Variants in RNF180 observed in about 807,000 individuals in gnomAD.
RNF180 encodes the protein ring finger protein 180.
In RNF180, 38 loss-of-function variants were observed where a neutral mutation model predicts 59.2. That is an observed-to-expected ratio of 0.64 (90% CI 0.50 to 0.84). The LOEUF (loss-of-function observed/expected upper bound fraction) is 0.84. Ranked by LOEUF, RNF180 falls within the 40% of genes least tolerant of loss-of-function variation. The probability of loss-of-function intolerance (pLI) is 0.00; values close to 1 mark genes in which losing one functional copy is unlikely to be tolerated. For missense variants in RNF180, 705 were observed against 700.9 expected (o/e 1.01, Z -0.07); for synonymous variants, 262 against 240.3 (o/e 1.09, Z -0.84).
At chr5:64,209,543 A>C (rs990803771) in intron 2 of RNF180, among the ~76,000 whole-genome samples, 1 of 152,046 alleles carries the variant, frequency 6.6e-6, no homozygotes, top group African/African-American at 2.4e-5. Flanking sequence ...TGTGTTTAGT[A>C]ATCACTAAAT....
intron 6 of RNF180, among the ~76,000 whole-genome samples, chr5:64,325,948 A>G (rs1023326795): frequency 6.6e-6 from 1 of 152,228 alleles, no homozygotes; most frequent in Admixed American, 6.5e-5. Flanking sequence ...AAGATGTAAT[A>G]TAACACAATA....
chr5:64,199,091 T>A (rs1738785902), intron 1 of RNF180, among the ~76,000 whole-genome samples: 1 of 152,052 alleles, frequency 6.6e-6, no homozygotes, highest in Admixed American at 6.5e-5. Flanking sequence ...GTGCTGGGAT[T>A]ACGGGCGTGA....
At chr5:64,343,184 G>C (rs1745425969) in intron 7 of RNF180, among the ~76,000 whole-genome samples, 1 of 151,958 alleles carries the variant, frequency 6.6e-6, no homozygotes, top group Non-Finnish European at 1.5e-5. Context: ...CTAGATGTTG[G>C]GGTTAGCAGA....
chr5:64,295,275 C>A (rs1742823098), intron 5 of RNF180, among the ~76,000 whole-genome samples: 1 of 152,186 alleles, frequency 6.6e-6, no homozygotes, highest in African/African-American at 2.4e-5. Context: ...CCATCTGCTA[C>A]TCCAGCAAGC....
chr5:64,295,916 T>C (rs966256771), intron 5 of RNF180, among the ~76,000 whole-genome samples: 1 of 152,196 alleles, frequency 6.6e-6, no homozygotes, highest in African/African-American at 2.4e-5. Flanking sequence ...TCCTGCTTGA[T>C]GGGCAGAAGT....
intron 5 of RNF180, among the ~76,000 whole-genome samples, chr5:64,276,319 GGTGTGTGTGTGTGTGTGT>G (rs375203511): frequency 2.9e-5 from 4 of 138,086 alleles, no homozygotes; most frequent in East Asian, 2.1e-4. Flanking sequence ...AAAATACATT[GGTGTGTGTGTGTGTGTGT>G]GTGTGTGTGT....
chr5:64,370,136 C>T lies in RNF180; in HGVS notation c.*322C>T, dbSNP rs535987617. 5.5e-4 allele frequency: 92 copies of T among 165,976 alleles called. 1 individual carries two copies. Among genetic ancestry groups the T allele is most frequent in the African/African-American group, 2.1e-3 (89 of 42,114 alleles). 10.3% of individuals were successfully genotyped at this position (165,976 alleles called of 1,614,324 possible). On this transcript the variant is annotated 3_prime_UTR_variant, in exon 8 of 8. Transcript: ENST00000389100. ...TTGTAAAAAACTGAAGTTTTCTCTC[C>T]ACTTAAAAATAGTAAAAATACAAAA...
At position 64,197,721 on chromosome 5, in the gene RNF180, C is replaced by G. The variant is rs558926477; in HGVS notation, c.1-3087C>G. On this transcript the variant is annotated intron_variant, in intron 1 of 7. Transcript: ENST00000389100. ...ATGATCTTGAGGAAAAACCCATGTT[C>G]AGTTGTTTTAGTTGAGAGTTGAAGT... Among the ~76,000 whole-genome samples, 7 of 152,242 alleles carry G rather than the reference C, an allele frequency of 4.6e-5. No individual in the cohort carries two copies. In the East Asian group the frequency reaches 1.3e-3, roughly 29 times the overall value.
At chr5:64,282,091 C>T (rs990440017) in intron 5 of RNF180, among the ~76,000 whole-genome samples, 1 of 151,364 alleles carries the variant, frequency 6.6e-6, no homozygotes, top group African/African-American at 2.4e-5. Context: ...GTATCTCCTC[C>T]TCAATTTTTT....
chr5:64,205,358 G>A (rs190367946), intron 2 of RNF180, among the ~76,000 whole-genome samples: 101 of 152,264 alleles, frequency 6.6e-4, no homozygotes, highest in African/African-American at 2.2e-3. Flanking sequence ...CGTCCACAAG[G>A]AGAAAGGGGG....
chr5:64,272,085 T>C (rs1303692325), intron 5 of RNF180, among the ~76,000 whole-genome samples: 1 of 152,066 alleles, frequency 6.6e-6, no homozygotes, highest in Non-Finnish European at 1.5e-5. Context: ...TACTACATAA[T>C]AGATAATGTA....
chr5:64,256,897 C>G (rs1412643358), intron 5 of RNF180, among the ~76,000 whole-genome samples: 2 of 152,116 alleles, frequency 1.3e-5, no homozygotes, highest in African/African-American at 4.8e-5. Context: ...GTTTGTAGTT[C>G]TTCTTGAAGA....
intron 5 of RNF180, among the ~76,000 whole-genome samples, chr5:64,232,696 G>T (rs1021581022): frequency 6.6e-6 from 1 of 152,166 alleles, no homozygotes; most frequent in Non-Finnish European, 1.5e-5. Flanking sequence ...TTACGTGGGA[G>T]TCAAAAGAAT....
At chr5:64,190,772 C>G (rs1751106706) in intron 1 of RNF180, among the ~76,000 whole-genome samples, 1 of 152,184 alleles carries the variant, frequency 6.6e-6, no homozygotes, top group Non-Finnish European at 1.5e-5. Context: ...CATGTGAGGA[C>G]ACAGTAAGAA....
At chr5:64,181,986 C>CTTTTT (rs1190089130) in intron 1 of RNF180, among the ~76,000 whole-genome samples, 41 of 94,624 alleles carry the variant, frequency 4.3e-4, no homozygotes, top group Non-Finnish European at 5.6e-4. Flanking sequence ...CTGCTACTGT[C>CTTTTT]TTTTTTTTTT....
At chr5:64,206,261 T>C (rs1051858171) in intron 2 of RNF180, among the ~76,000 whole-genome samples, 4 of 152,190 alleles carry the variant, frequency 2.6e-5, no homozygotes, top group African/African-American at 9.6e-5. Flanking sequence ...GTTCAGATAA[T>C]TGGGAGCTGA....
At position 64,358,431 on chromosome 5, in the gene RNF180, G is replaced by C. The variant is rs147773543; in HGVS notation, c.1580-11184G>C. Reference sequence around the variant, plus strand: ...TGAAGAGCTTTAAGGGAACAGTTATGAAAGTTTTACTCCAATTTATTTGAA... The same window carrying C: ...TGAAGAGCTTTAAGGGAACAGTTATCAAAGTTTTACTCCAATTTATTTGAA... On this transcript the variant is annotated intron_variant, in intron 7 of 7. Transcript: ENST00000389100. Among the ~76,000 whole-genome samples the C allele has an allele frequency of 3.9e-3, 585 of 151,904 alleles. 3 individuals are homozygous for C. Among genetic ancestry groups the C allele is most frequent in the African/African-American group, 0.014 (570 of 41,510 alleles).
chr5:64,197,476 A>C (rs898102379), intron 1 of RNF180, among the ~76,000 whole-genome samples: 3 of 152,196 alleles, frequency 2.0e-5, no homozygotes, highest in Admixed American at 1.3e-4. Flanking sequence ...TAGTGGGTAA[A>C]ACTGCGGGTC....
chr5:64,284,020 C>G lies in RNF180; in HGVS notation c.1228-41166C>G, dbSNP rs1742147583. On this transcript the variant is annotated intron_variant, in intron 5 of 7. Coordinates refer to ENST00000389100, the MANE Select transcript of RNF180 (RefSeq NM_001113561.2). ...ATCTTTCATTTTCATGTTTAGCACTCCCTTCAGGACATCTTGTAAGGTAGA... is the reference window on the plus strand; with the variant it reads ...ATCTTTCATTTTCATGTTTAGCACTGCCTTCAGGACATCTTGTAAGGTAGA... Among the ~76,000 whole-genome samples the G allele has an allele frequency of 3.9e-5, 6 of 152,258 alleles. No individual in the cohort carries two copies. The South Asian group carries it at 1.2e-3, about 32-fold the overall frequency.
Sources: allele counts gnomAD v4.1 joint callset (sites outside exome capture counted in the v4.1 genomes callset), GRCh38; gene constraint gnomAD v4.1.1; transcripts MANE v1.5; gene names NCBI Gene and HGNC (gene_info 2026-07-23, HGNC 2026-07-21).